Variants in DGLUCY observed in about 807,000 individuals in gnomAD.
DGLUCY encodes D-glutamate cyclase, mitochondrial.
DGLUCY carries 58 observed loss-of-function variants against 58.5 expected under a neutral mutation model. That is an observed-to-expected ratio of 0.99 (90% CI 0.80 to 1.23). The LOEUF is 1.23. Ranked by LOEUF, DGLUCY falls within the 50% of genes most tolerant of loss-of-function variation. The pLI is 0.00. For synonymous variants in DGLUCY, 325 were observed against 314.1 expected (o/e 1.03, Z -0.37); for missense variants, 779 against 784.7 (o/e 0.99, Z 0.09).
At chr14:91,195,906 G>A (rs951816808) in intron 9 of DGLUCY, among the ~76,000 whole-genome samples, 5 of 152,090 alleles carry the variant, frequency 3.3e-5, no homozygotes, top group East Asian at 1.9e-4. Flanking sequence ...TCCTGACCTC[G>A]TGATCCGCCC....
chr14:91,147,450 T>A (rs1375375493), intron 1 of DGLUCY, among the ~76,000 whole-genome samples: 1 of 152,146 alleles, frequency 6.6e-6, no homozygotes, highest in Non-Finnish European at 1.5e-5. Context: ...CTCAACTATT[T>A]TTGGATGCAG....
upstream of DGLUCY, among the ~76,000 whole-genome samples, chr14:91,112,651 AAAAG>A (rs1438720931): frequency 1.3e-5 from 2 of 152,170 alleles, no homozygotes; most frequent in African/African-American, 4.8e-5. Context: ...AAAAAGAAAA[AAAAG>A]GAACAAGATG....
At chr14:91,223,582 C>G in intron 13 of DGLUCY, 1 of 999,908 alleles carries the variant, frequency 1.0e-6, no homozygotes, top group Admixed American at 2.6e-5. Flanking sequence ...GGGACAGACA[C>G]ATTAGTGGCT....
intron 4 of DGLUCY, among the ~76,000 whole-genome samples, chr14:91,168,206 C>T (rs1004983330): frequency 1.3e-4 from 19 of 151,784 alleles, no homozygotes; most frequent in African/African-American, 3.6e-4. Context: ...GTTGAGGCTG[C>T]GGTGAGCCGA....
At chr14:91,114,621 A>G (rs2044798367) in intron 1 of DGLUCY, 1 of 152,258 alleles carries the variant, frequency 6.6e-6, no homozygotes, top group African/African-American at 2.4e-5. Context: ...CATGAAGGCA[A>G]AGAAAGTAAA....
chr14:91,076,198 A>G (rs1196808995), intron 1 of DGLUCY, among the ~76,000 whole-genome samples: 1 of 152,090 alleles, frequency 6.6e-6, no homozygotes, highest in Non-Finnish European at 1.5e-5. Context: ...AAACAAGTAC[A>G]GTCTCCCTCA....
intron 1 of DGLUCY, among the ~76,000 whole-genome samples, chr14:91,136,927 CCA>C (rs2046374098): frequency 1.3e-5 from 2 of 151,962 alleles, no homozygotes; most frequent in Admixed American, 6.6e-5. Context: ...CGATATTGTG[CCA>C]TTACACTCTA....
At chr14:91,117,069 G>C (rs1182973896) in intron 1 of DGLUCY, among the ~76,000 whole-genome samples, 2 of 152,140 alleles carry the variant, frequency 1.3e-5, no homozygotes, top group Non-Finnish European at 2.9e-5. Context: ...AGTGTTCCAG[G>C]AAACGGGTGG....
chr14:91,089,447 C>T (rs2044273536), intron 1 of DGLUCY, among the ~76,000 whole-genome samples: 1 of 152,222 alleles, frequency 6.6e-6, no homozygotes, highest in Non-Finnish European at 1.5e-5. Context: ...GCTTAAGCAG[C>T]TTTGCGTGCT....
At chr14:91,134,046 T>A (rs2046184718) in intron 1 of DGLUCY, among the ~76,000 whole-genome samples, 1 of 152,178 alleles carries the variant, frequency 6.6e-6, no homozygotes, top group African/African-American at 2.4e-5. Context: ...ATTACCATAG[T>A]TTTCTGTGTC....
At chr14:91,202,063 A>ATAATAATAATAATAATAATAATAATAG (rs1234170620) in intron 11 of DGLUCY, among the ~76,000 whole-genome samples, 5 of 125,338 alleles carry the variant, frequency 4.0e-5, no homozygotes, top group African/African-American at 1.4e-4. Context: ...CTCAAAAATA[A>ATAATAATAATAATAATAATAATAATAG]TAATAATAAT....
chr14:91,216,468 C>G (rs1369407215), intron 13 of DGLUCY: 1 of 151,926 alleles, frequency 6.6e-6, no homozygotes, highest in African/African-American at 2.4e-5. Flanking sequence ...ATGGTGAAAC[C>G]TCATCTCTAG....
At chr14:91,148,072 G>A (rs1444523597) in intron 1 of DGLUCY, among the ~76,000 whole-genome samples, 3 of 152,090 alleles carry the variant, frequency 2.0e-5, no homozygotes, top group Admixed American at 2.0e-4. Flanking sequence ...TACTTGGGAG[G>A]GTGAGGCAGG....
At chr14:91,176,848 C>T (rs1238603149) in intron 7 of DGLUCY, among the ~76,000 whole-genome samples, 1 of 152,178 alleles carries the variant, frequency 6.6e-6, no homozygotes, top group East Asian at 1.9e-4. Flanking sequence ...GTGATCCTCC[C>T]ACCTCAGCCT....
At chr14:91,141,600 G>A (rs904532799) in intron 1 of DGLUCY, among the ~76,000 whole-genome samples, 5 of 144,848 alleles carry the variant, frequency 3.5e-5, no homozygotes, top group African/African-American at 1.3e-4. Context: ...TCGCCAGGCT[G>A]GAGTGCAATG....
rs9972148 is a variant in DGLUCY, at chr14:91,088,090, C to T, written c.-82+27386C>T. Among the ~76,000 whole-genome samples, 1,279 of 152,040 alleles carry T rather than the reference C, an allele frequency of 8.4e-3. 6 individuals are homozygous for T. The highest frequency in any genetic ancestry group is 0.026 in the South Asian group (125 of 4,814). ...AAGGGTCAGAGGAAGATGTTCCAGG[C>T]AGAGAAGGTGAGCTGGGAGCCAGGG... On this transcript the variant is annotated intron_variant, in intron 1 of 4. Coordinates refer to the DGLUCY transcript ENST00000521334.
intron 11 of DGLUCY, among the ~76,000 whole-genome samples, chr14:91,200,146 G>A (rs774651349): frequency 6.6e-6 from 1 of 152,174 alleles, no homozygotes; most frequent in African/African-American, 2.4e-5. Flanking sequence ...GTAGAGACGA[G>A]GTTTCACCAT....
chr14:91,085,921 A>G (rs946406359), intron 1 of DGLUCY, among the ~76,000 whole-genome samples: 1 of 152,208 alleles, frequency 6.6e-6, no homozygotes, highest in African/African-American at 2.4e-5. Context: ...ATGTACCAGT[A>G]CTGGTACCAG....
chr14:91,116,619 G>C (rs1383490520), intron 1 of DGLUCY, among the ~76,000 whole-genome samples: 1 of 152,164 alleles, frequency 6.6e-6, no homozygotes, highest in Non-Finnish European at 1.5e-5. Flanking sequence ...CAAGTTCATA[G>C]CAAAGTGGAA....
Sources: allele counts gnomAD v4.1 joint callset (sites outside exome capture counted in the v4.1 genomes callset), GRCh38; gene constraint gnomAD v4.1.1; transcripts MANE v1.5; gene names NCBI Gene and HGNC (gene_info 2026-07-23, HGNC 2026-07-21).